The following DIAPH2 variants were observed in gnomAD, a reference collection of about 807,000 sequenced individuals.
DIAPH2 encodes the protein diaphanous related formin 2.
A neutral mutation model predicts 92.7 loss-of-function variants in DIAPH2; 35 were observed. The observed-to-expected ratio is 0.38, with a 90% CI of 0.29 to 0.50. The LOEUF is 0.50. Ranked by LOEUF, DIAPH2 falls within the 20% of genes least tolerant of loss-of-function variation. DIAPH2 has a pLI of 0.94. For synonymous variants in DIAPH2, 301 were observed against 280.4 expected, an observed-to-expected ratio of 1.07 and a Z score of -0.73; for missense variants, 701 against 819.5, an observed-to-expected ratio of 0.86 and a Z score of 1.77.
intron 1 of DIAPH2, among the ~76,000 whole-genome samples, chrX:96,700,074 T>C (rs958044871): frequency 2.7e-5 from 3 of 111,961 alleles, no homozygotes; most frequent in African/African-American, 9.8e-5. Flanking sequence ...AGTGGCGCAA[T>C]CATGGCTCAC....
chrX:96,736,088 ATAAATTGTGAATGTAT>A (rs2064085882), intron 2 of DIAPH2, among the ~76,000 whole-genome samples: 1 of 111,591 alleles, frequency 9.0e-6, no homozygotes, highest in South Asian at 3.7e-4. Context: ...TGATGGCCAA[ATAAATTGTGAATGTAT>A]TAAACATTAA....
At chrX:96,824,287 A>T (rs1477200450) in intron 4 of DIAPH2, among the ~76,000 whole-genome samples, 1 of 111,220 alleles carries the variant, frequency 9.0e-6, no homozygotes, top group Non-Finnish European at 1.9e-5. Flanking sequence ...TTAACTGAGC[A>T]CCAGACATTC....
At chrX:97,138,950 A>C (rs967852878) in intron 21 of DIAPH2, among the ~76,000 whole-genome samples, 8 of 111,562 alleles carry the variant, frequency 7.2e-5, no homozygotes, top group Non-Finnish European at 1.1e-4. Context: ...ATTTCATGTT[A>C]ATGTAAAATT....
intron 23 of DIAPH2, among the ~76,000 whole-genome samples, chrX:97,250,217 G>T (rs2068177864): frequency 8.9e-6 from 1 of 111,821 alleles, no homozygotes; most frequent in Non-Finnish European, 1.9e-5. Context: ...TTTGCTTCAA[G>T]TCACTGGCCC....
At chrX:97,388,796 C>T (rs2069625761) in intron 25 of DIAPH2, among the ~76,000 whole-genome samples, 1 of 111,282 alleles carries the variant, frequency 9.0e-6, no homozygotes, top group Non-Finnish European at 1.9e-5. Flanking sequence ...ATTAAAATAA[C>T]AATAGTAAAC....
chrX:97,403,765 G>A (rs935910973), intron 25 of DIAPH2, among the ~76,000 whole-genome samples: 3 of 110,975 alleles, frequency 2.7e-5, no homozygotes, highest in Admixed American at 9.6e-5. Context: ...GCCTCTAGGT[G>A]TACCTGAATG....
chrX:97,107,798 C>A (rs1163412869), intron 20 of DIAPH2, among the ~76,000 whole-genome samples: 1 of 111,930 alleles, frequency 8.9e-6, no homozygotes, highest in African/African-American at 3.2e-5. Context: ...ACAAATTTTT[C>A]TGTTAATTCT....
At chrX:96,775,025 C>A (rs905637787) in intron 4 of DIAPH2, among the ~76,000 whole-genome samples, 16 of 111,997 alleles carry the variant, frequency 1.4e-4, no homozygotes, top group African/African-American at 5.2e-4. Context: ...ATTGGAAATG[C>A]AGTCTAGCAT....
rs769883275 is a variant in DIAPH2 at position 97,110,424 on chromosome X, T to C, written c.2350-4302T>C. Among the ~76,000 whole-genome samples, 39 of 111,717 alleles carry C rather than the reference T, an allele frequency of 3.5e-4. 1 individual carries two copies. The highest frequency in any genetic ancestry group is 3.0e-4 in the Non-Finnish European group (16 of 53,208). ...TTTTATTATTTCCCTATCATGGAGG[T>C]ATCATTTTATTATTTTTTAGAGGAT... On this transcript the variant is annotated intron_variant, in intron 20 of 26. Transcript: ENST00000324765.
At chrX:97,381,065 C>G (rs754616984) in intron 24 of DIAPH2, among the ~76,000 whole-genome samples, 4 of 111,461 alleles carry the variant, frequency 3.6e-5, no homozygotes, top group African/African-American at 1.3e-4. Context: ...CTTTTGCAAG[C>G]TTCCCTCTCA....
Position 97,570,075 on chromosome X carries a change from AATATATATATATATATAT to A in DIAPH2, c.3242-29147_3242-29130del, listed in dbSNP as rs1164491863. ...ATTATACAAGTTCATAAGGCCTTCT[AATATATATATATATATAT>A]ATATATATATATATATATATATATA... On this transcript the variant is annotated intron_variant, in intron 26 of 26. Transcript: ENST00000324765. Among the ~76,000 whole-genome samples the A allele has an allele frequency of 8.1e-3, 98 of 12,098 alleles. 2 individuals are homozygous for A. Among genetic ancestry groups the A allele is most frequent in the African/African-American group, 0.023 (89 of 3,839 alleles). 10.5% of individuals were successfully genotyped at this position (12,098 alleles called of 115,157 possible). A position where few individuals can be genotyped will look rare whatever the true frequency, so the allele number is the denominator to read the frequency against.
chrX:97,243,669 A>C (rs2068116799), intron 22 of DIAPH2, among the ~76,000 whole-genome samples: 1 of 111,440 alleles, frequency 9.0e-6, no homozygotes. Context: ...GGTGCCCTTT[A>C]CTTTTTTTTA....
intron 23 of DIAPH2, among the ~76,000 whole-genome samples, chrX:97,309,108 A>AT (rs768975621): frequency 1.1e-4 from 12 of 105,646 alleles, no homozygotes; most frequent in East Asian, 9.3e-4. Context: ...TTATTTATTT[A>AT]TTTTTTTTTT....
At chrX:97,163,795 C>G (rs1379857589) in intron 22 of DIAPH2, among the ~76,000 whole-genome samples, 1 of 112,072 alleles carries the variant, frequency 8.9e-6, no homozygotes, top group Non-Finnish European at 1.9e-5. Context: ...GCCTTTAGCT[C>G]CCTAACAGAG....
chrX:97,299,152 GA>G (rs1226791377), intron 23 of DIAPH2, among the ~76,000 whole-genome samples: 1 of 111,707 alleles, frequency 9.0e-6, no homozygotes, highest in Non-Finnish European at 1.9e-5. Context: ...AAAATAAGAG[GA>G]ACTAGCTGTG....
At chrX:97,213,311 G>A (rs756572913) in intron 22 of DIAPH2, among the ~76,000 whole-genome samples, 1 of 111,653 alleles carries the variant, frequency 9.0e-6, no homozygotes, top group East Asian at 2.8e-4. Flanking sequence ...AGGAAAGACT[G>A]CTTCTTTCCT....
At chrX:96,931,617 AAC>A (rs1323038951) in intron 10 of DIAPH2, among the ~76,000 whole-genome samples, 10 of 109,792 alleles carry the variant, frequency 9.1e-5, no homozygotes, top group Admixed American at 3.9e-4. Context: ...AGAAAAAAAC[AAC>A]AACAACAAAT....
intron 26 of DIAPH2, among the ~76,000 whole-genome samples, chrX:97,452,062 GA>G (rs1209852287): frequency 1.8e-5 from 2 of 110,949 alleles, no homozygotes; most frequent in South Asian, 3.8e-4. Context: ...TTCAATCTAG[GA>G]AAAATATTTA....
At chrX:97,133,368 ACCTCCACCT>A (rs2067150753) in intron 21 of DIAPH2, among the ~76,000 whole-genome samples, 1 of 110,191 alleles carries the variant, frequency 9.1e-6, no homozygotes. Flanking sequence ...GCTCACTGCA[ACCTCCACCT>A]CCCGGGTTCA....
Sources: gnomAD v4.1 joint callset for allele counts (sites outside exome capture counted in the v4.1 genomes callset) on GRCh38, gnomAD v4.1.1 for gene constraint, MANE v1.5 for transcripts, NCBI Gene and HGNC (gene_info 2026-07-23, HGNC 2026-07-21) for gene names.